FAT3: variants seen among roughly 807,000 people sequenced by gnomAD.
FAT3 encodes protocadherin Fat 3.
FAT3 carries 95 observed loss-of-function variants against 310.2 expected under a neutral mutation model. That is an observed-to-expected ratio of 0.31 (90% CI 0.26 to 0.36). The LOEUF is 0.36. Ranked by LOEUF, FAT3 falls within the 10% of genes least tolerant of loss-of-function variation. FAT3 has a pLI of 1.00. For missense variants in FAT3, 5,408 were observed against 5,715.6 expected, an observed-to-expected ratio of 0.95 and a Z score of 1.74; for synonymous variants, 2,314 against 2,192.9, an observed-to-expected ratio of 1.06 and a Z score of -1.54.
At chr11:92,247,640 C>A (rs1035207821) in intron 1 of FAT3, among the ~76,000 whole-genome samples, 12 of 151,748 alleles carry the variant, frequency 7.9e-5, no homozygotes, top group Admixed American at 6.6e-4. Flanking sequence ...TAGGCATTGA[C>A]GAACATTTGC....
At chr11:92,293,613 G>T (rs1946770743) in intron 1 of FAT3, among the ~76,000 whole-genome samples, 1 of 146,398 alleles carries the variant, frequency 6.8e-6, no homozygotes, top group African/African-American at 2.5e-5. Context: ...TAATATATTA[G>T]TGATCAGTTT....
chr11:92,617,703 G>T (rs1940879000), intron 3 of FAT3, among the ~76,000 whole-genome samples: 1 of 152,186 alleles, frequency 6.6e-6, no homozygotes, highest in African/African-American at 2.4e-5. Flanking sequence ...CCTTCTAACT[G>T]TCAGGACCTT....
At chr11:92,422,852 T>A (rs1046180584) in intron 2 of FAT3, among the ~76,000 whole-genome samples, 4 of 152,138 alleles carry the variant, frequency 2.6e-5, no homozygotes, top group African/African-American at 9.7e-5. Flanking sequence ...AGATATTCGT[T>A]GCATGGCTAG....
Position 92,512,841 on chromosome 11 carries a change from G to GTTCATGCCATTTCAATTTGTTTCA in FAT3, c.3293-11793_3293-11792insTTCATGCCATTTCAATTTGTTTCA, listed in dbSNP as rs1423264360. ...TATAAACATCTAAGTTAAGATTATCGGCCGGGCGCGGTGGCTCACGCCTGT... is the reference window on the plus strand; with the variant it reads ...TATAAACATCTAAGTTAAGATTATCGTTCATGCCATTTCAATTTGTTTCAGCCGGGCGCGGTGGCTCACGCCTGT... On this transcript the variant is annotated intron_variant, in intron 2 of 27. Transcript: ENST00000525166. Among the ~76,000 whole-genome samples the GTTCATGCCATTTCAATTTGTTTCA allele has an allele frequency of 2.2e-4, 21 of 95,142 alleles. 1 individual carries two copies. The highest frequency in any genetic ancestry group is 6.9e-4 in the South Asian group (2 of 2,904). The allele number at this position is 95,142 out of a possible 152,430, so 62.4% of individuals were successfully genotyped here.
chr11:92,286,604 G>A (rs1232438123), intron 1 of FAT3, among the ~76,000 whole-genome samples: 2 of 152,142 alleles, frequency 1.3e-5, no homozygotes, highest in Admixed American at 1.3e-4. Context: ...ACTTAGAAAA[G>A]CTTCACATTT....
In FAT3 at chr11:92,345,528, G is replaced by A. The variant is rs940990714; in HGVS notation, c.-17-6568G>A. On this transcript the variant is annotated intron_variant, in intron 1 of 27. Transcript: ENST00000525166. ...CCGGATCAACAGAGTCAGAAACTCT[G>A]CAGTGGTACCCCCAAATCTGAAATT... Among the ~76,000 whole-genome samples, 123 of 152,270 alleles carry A rather than the reference G, an allele frequency of 8.1e-4. 1 individual carries two copies. The highest frequency in any genetic ancestry group is 2.9e-3 in the African/African-American group (121 of 41,566).
At chr11:92,470,699 T>C (rs2135148181) in intron 2 of FAT3, among the ~76,000 whole-genome samples, 1 of 152,312 alleles carries the variant, frequency 6.6e-6, no homozygotes, top group Admixed American at 6.5e-5. Context: ...TGCCTGGCTT[T>C]GGAAACCCAA....
Position 92,551,001 on chromosome 11 carries a change from T to C in FAT3, c.3607+26053T>C, listed in dbSNP as rs11019992. On this transcript the variant is annotated intron_variant, in intron 3 of 27. Transcript: ENST00000525166. ...TTGAAATCACACCATCCTCAGTCTT[T>C]AAGCATCGCCCAGTCCCCGTATTCT... Among the ~76,000 whole-genome samples the C allele has an allele frequency of 9.0e-3, 1,361 of 151,978 alleles. 32 individuals are homozygous for C. In the East Asian group the frequency reaches 0.093, roughly 10 times the overall value.
chr11:92,798,016 A>G lies in FAT3; in HGVS notation c.5003A>G (p.His1668Arg). 1.9e-6 allele frequency: 3 copies of G among 1,613,760 alleles called. No homozygotes were observed. Among genetic ancestry groups the G allele is most frequent in the Non-Finnish European group, 2.5e-6 (3 of 1,179,822 alleles). Residue 1668 changes from histidine to arginine, a missense_variant, in exon 10 of 28, where the codon CAC (histidine) becomes CGC (arginine). By Grantham distance (29) the His-to-Arg change is conservative. This residue lies in a region of FAT3 where 4,588 missense variants were observed against 4,809.8 expected (regional missense o/e 0.95). Transcript: ENST00000525166. ...RISVTMSDNS[H>R]PKFIHKDYQA... ...TCCGTCACCATGTCTGACAATTCTCACCCCAAGTTCATTCACAAAGACTAC... is the reference window on the plus strand; with the variant it reads ...TCCGTCACCATGTCTGACAATTCTCGCCCCAAGTTCATTCACAAAGACTAC...
intron 1 of FAT3, among the ~76,000 whole-genome samples, chr11:92,273,239 G>A (rs180765020): frequency 2.0e-5 from 3 of 152,084 alleles, no homozygotes; most frequent in East Asian, 3.9e-4. Context: ...CTGTTTCTGG[G>A]GAACTTGTAT....
chr11:92,613,696 G>A (rs1409251308), intron 3 of FAT3, among the ~76,000 whole-genome samples: 2 of 152,142 alleles, frequency 1.3e-5, no homozygotes, highest in Admixed American at 1.3e-4. Context: ...CACGGTATCA[G>A]GCAACTGTAC....
intron 8 of FAT3, among the ~76,000 whole-genome samples, chr11:92,790,610 T>C (rs1947017089): frequency 6.6e-6 from 1 of 152,212 alleles, no homozygotes; most frequent in African/African-American, 2.4e-5. Flanking sequence ...ACTCAGCCTA[T>C]GCAATGCTCA....
chr11:92,245,761 G>T (rs188860576), intron 1 of FAT3, among the ~76,000 whole-genome samples: 7 of 152,278 alleles, frequency 4.6e-5, no homozygotes, highest in African/African-American at 1.7e-4. Context: ...GCAAAAACTG[G>T]CTACTGGCTG....
chr11:92,697,549 C>T, intron 4 of FAT3, 104 bp downstream of exon 4: 2 of 1,105,458 alleles, frequency 1.8e-6, no homozygotes, highest in African/African-American at 3.1e-5. Flanking sequence ...CAGTGGATAT[C>T]AAAGTGAAGA....
At chr11:92,230,584 G>A (rs559119519) in intron 1 of FAT3, among the ~76,000 whole-genome samples, 189 of 152,202 alleles carry the variant, frequency 1.2e-3, no homozygotes, top group African/African-American at 4.4e-3. Flanking sequence ...ATGAGCCACC[G>A]TCCTCAGCCC....
At chr11:92,587,329 T>G (rs1591488794) in intron 3 of FAT3, among the ~76,000 whole-genome samples, 1 of 152,004 alleles carries the variant, frequency 6.6e-6, no homozygotes, top group African/African-American at 2.4e-5. Flanking sequence ...AAATATCCAC[T>G]GTTGGACTGT....
intron 3 of FAT3, among the ~76,000 whole-genome samples, chr11:92,615,506 C>T (rs940741144): frequency 6.6e-6 from 1 of 152,174 alleles, no homozygotes; most frequent in East Asian, 1.9e-4. Context: ...CTCAGCCTCC[C>T]GAAGTGCTGG....
chr11:92,555,072 C>A (rs1954970677), intron 3 of FAT3, among the ~76,000 whole-genome samples: 1 of 152,194 alleles, frequency 6.6e-6, no homozygotes, highest in Non-Finnish European at 1.5e-5. Flanking sequence ...CACACACACC[C>A]ACTATACACA....
intron 3 of FAT3, among the ~76,000 whole-genome samples, chr11:92,599,587 C>T (rs543063115): frequency 6.6e-6 from 1 of 152,310 alleles, no homozygotes; most frequent in East Asian, 1.9e-4. Flanking sequence ...ATTCCAAGCA[C>T]CAACCCCCAT....
Sources: gnomAD v4.1 joint callset for allele counts (sites outside exome capture counted in the v4.1 genomes callset) on GRCh38, gnomAD v4.1.1 for gene constraint, gnomAD v4.1.1 regional missense constraint, MANE v1.5 for transcripts, NCBI Gene and HGNC (gene_info 2026-07-23, HGNC 2026-07-21) for gene names.